Variants in PLEKHG7 observed in about 807,000 individuals in gnomAD.
The protein encoded by PLEKHG7 is pleckstrin homology and RhoGEF domain containing G7.
In PLEKHG7, 77 loss-of-function variants were observed where a neutral mutation model predicts 85.2. The observed-to-expected ratio is 0.90, with a 90% confidence interval of 0.75 to 1.09. PLEKHG7 has a LOEUF of 1.09. PLEKHG7 is among the 50% of genes least tolerant of loss of function. The pLI is 0.00. For synonymous variants in PLEKHG7, 301 were observed against 302.4 expected (o/e 1.00, Z 0.05); for missense variants, 777 against 804.3 (o/e 0.97, Z 0.41).
At chr12:92,725,704 G>A (rs1442052954) in intron 3 of PLEKHG7, among the ~76,000 whole-genome samples, 1 of 152,094 alleles carries the variant, frequency 6.6e-6, no homozygotes, top group African/African-American at 2.4e-5. Flanking sequence ...AAAAAATTAT[G>A]GGATATAAGT....
intron 10 of PLEKHG7, among the ~76,000 whole-genome samples, chr12:92,749,971 A>ATT (rs1872644955): frequency 1.4e-5 from 1 of 73,816 alleles, no homozygotes; most frequent in Non-Finnish European, 2.8e-5. Context: ...TTTATTTTAT[A>ATT]TTTTATTTTA....
chr12:92,768,209 G>GAAA (rs748690347), intron 15 of PLEKHG7, among the ~76,000 whole-genome samples: 1 of 126,682 alleles, frequency 7.9e-6, no homozygotes, highest in East Asian at 2.2e-4. Flanking sequence ...TTCGTCTCAA[G>GAAA]AAAAAAAAAA....
chr12:92,732,408 C>T (rs955155934), intron 5 of PLEKHG7, 135 bp downstream of exon 5: 2 of 502,288 alleles, frequency 4.0e-6, no homozygotes, highest in African/African-American at 2.0e-5. Context: ...TAAATGATAT[C>T]ATCACATCCG....
chr12:92,764,173 A>G lies in PLEKHG7; in HGVS notation c.1849A>G (p.Ile617Val), dbSNP rs968832538. Residue 617 changes from isoleucine (I) to valine (V), a missense_variant, in exon 15 of 17, where the codon ATT becomes GTT. Physicochemically the swap from Ile to Val is conservative, Grantham distance 29. Transcript: ENST00000344636. ...IPLDRLVVKS[I>V]EPLHVSVFGL... ...ACTAGATAGATTGGTAGTCAAAAGT[A>G]TTGAACCACTCCATGTGTCAGGTAT... is the stretch of plus-strand genomic sequence containing the variant. The G allele has an allele frequency of 1.1e-5, 17 of 1,607,290 alleles. No homozygotes were observed. Among genetic ancestry groups the G allele is most frequent in the Non-Finnish European group, 1.4e-5 (17 of 1,176,502 alleles).
intron 1 of PLEKHG7, among the ~76,000 whole-genome samples, 182 bp downstream of exon 1, chr12:92,703,314 G>A (rs1376862099): frequency 6.6e-6 from 1 of 152,192 alleles, no homozygotes; most frequent in Non-Finnish European, 1.5e-5. Context: ...GTGTGGGTGG[G>A]TGTTTGCTGG....
intron 15 of PLEKHG7, among the ~76,000 whole-genome samples, chr12:92,766,644 A>G (rs1873206431): frequency 6.6e-6 from 1 of 152,038 alleles, no homozygotes; most frequent in Non-Finnish European, 1.5e-5. Context: ...GGAGTTCAAG[A>G]CCAGCCTGGT....
rs1394817604 is a variant in PLEKHG7 at position 92,764,034 on chromosome 12, A to G, written c.1717-7A>G. ...GTTTATTGCATTATTTTTCTTGTTA[A>G]TTTCAGAAACTTGGAGGCTCAGACC... On this transcript the variant is annotated splice_region_variant and splice_polypyrimidine_tract_variant and intron_variant, in intron 14 of 16. Coordinates refer to ENST00000344636, the MANE Select transcript of PLEKHG7 (RefSeq NM_001377329.1). 6.3e-7 allele frequency: 1 copy of G among 1,591,998 alleles called. No individual in the cohort carries two copies. Among genetic ancestry groups the G allele is most frequent in the Non-Finnish European group, 8.5e-7 (1 of 1,170,198 alleles).
chr12:92,712,408 G>A (rs1431207634), intron 3 of PLEKHG7, among the ~76,000 whole-genome samples: 2 of 152,224 alleles, frequency 1.3e-5, no homozygotes, highest in Non-Finnish European at 2.9e-5. Flanking sequence ...CCGGTACCAG[G>A]AGATGTGTTC....
At chr12:92,740,743 C>T in intron 7 of PLEKHG7, 110 bp from the exon 8 acceptor site, 1 of 688,150 alleles carries the variant, frequency 1.5e-6, no homozygotes, top group East Asian at 2.8e-5. Context: ...CTGATTTCTC[C>T]ATTGTTTTGT....
chr12:92,715,063 G>T (rs928481913), intron 3 of PLEKHG7, among the ~76,000 whole-genome samples: 1 of 145,178 alleles, frequency 6.9e-6, no homozygotes, highest in Non-Finnish European at 1.5e-5. Context: ...TAGATAGATA[G>T]ATAAAGAGTT....
intron 6 of PLEKHG7, among the ~76,000 whole-genome samples, chr12:92,736,890 G>A (rs1050199739): frequency 1.3e-5 from 2 of 152,138 alleles, no homozygotes; most frequent in African/African-American, 2.4e-5. Flanking sequence ...CATTTGAAAC[G>A]TTAAGTTGTT....
At chr12:92,761,489 G>T (rs541947624) in intron 13 of PLEKHG7, among the ~76,000 whole-genome samples, 61 of 151,456 alleles carry the variant, frequency 4.0e-4, no homozygotes, top group African/African-American at 1.5e-3. Context: ...AGCCCCTGGG[G>T]TGCCGTAATA....
At chr12:92,759,412 G>A (rs1592687947) in intron 13 of PLEKHG7, among the ~76,000 whole-genome samples, 1 of 152,174 alleles carries the variant, frequency 6.6e-6, no homozygotes, top group East Asian at 1.9e-4. Flanking sequence ...CAGAAGATGG[G>A]AATAGCAAAT....
At chr12:92,735,467 A>G (rs1347845757) in intron 5 of PLEKHG7, among the ~76,000 whole-genome samples, 1 of 152,230 alleles carries the variant, frequency 6.6e-6, no homozygotes, top group African/African-American at 2.4e-5. Flanking sequence ...TCCTGAAAAA[A>G]ACATTGATTA....
At chr12:92,756,069 T>A in intron 12 of PLEKHG7, 129 bp downstream of exon 12, 1 of 747,826 alleles carries the variant, frequency 1.3e-6, no homozygotes, top group Non-Finnish European at 2.2e-6. Flanking sequence ...GAACAAGAAG[T>A]AAAGTCTTCA....
At position 92,770,092 on chromosome 12, in the gene PLEKHG7, C is replaced by A. The variant is rs769682354; in HGVS notation, c.1973C>A (p.Thr658Lys). ...LQAQTENIKK[T>K]WMAQITTAIS... is the part of the protein sequence containing the mutation. ...TTTTTTTCTTTTTTTCAACAGAAAA[C>A]ATGGATGGCACAAATAACAACTGCA... Residue 658 changes from threonine to lysine, a missense_variant, in exon 17 of 17, where the codon ACA becomes AAA. By Grantham distance (78) the Thr-to-Lys change is moderately conservative (BLOSUM62 -1). This residue lies in a region of PLEKHG7 where 520 missense variants were observed against 544.0 expected (regional missense o/e 0.96). Coordinates refer to ENST00000344636, the MANE Select transcript of PLEKHG7 (RefSeq NM_001377329.1). 3.2e-6 allele frequency: 5 copies of A among 1,579,794 alleles called. No individual in the cohort carries two copies. The East Asian group carries it at 1.1e-4, about 36-fold the overall frequency.
intron 3 of PLEKHG7, among the ~76,000 whole-genome samples, chr12:92,713,756 T>C (rs1446673596): frequency 6.6e-6 from 1 of 152,206 alleles, no homozygotes; most frequent in Non-Finnish European, 1.5e-5. Context: ...TTTGGATCCC[T>C]TCCTCTACAT....
At chr12:92,765,325 TAAA>T (rs59974651) in intron 15 of PLEKHG7, among the ~76,000 whole-genome samples, 216 of 128,898 alleles carry the variant, frequency 1.7e-3, no homozygotes, top group African/African-American at 2.3e-3. Flanking sequence ...AGTCTCTTAT[TAAA>T]AAAAAAAAAA....
chr12:92,721,099 T>G (rs1406997440), intron 3 of PLEKHG7, among the ~76,000 whole-genome samples: 1 of 152,192 alleles, frequency 6.6e-6, no homozygotes, highest in African/African-American at 2.4e-5. Flanking sequence ...AAAATCAATA[T>G]GATAATGCAT....
Sources: allele counts gnomAD v4.1 joint callset (sites outside exome capture counted in the v4.1 genomes callset), GRCh38; gene constraint gnomAD v4.1.1; regional missense constraint gnomAD v4.1.1; transcripts MANE v1.5; gene names NCBI Gene and HGNC (gene_info 2026-07-23, HGNC 2026-07-21).